Variants in ZBP1 observed in about 807,000 individuals in gnomAD.
ZBP1 encodes the protein Z-DNA-binding protein 1.
ZBP1 carries 42 observed loss-of-function variants against 41.1 expected under a neutral mutation model. That is an observed-to-expected ratio of 1.02 (90% CI 0.80 to 1.32). The LOEUF is 1.32. Ranked by LOEUF, ZBP1 falls within the 40% of genes most tolerant of loss-of-function variation. The pLI, the probability that ZBP1 is intolerant of heterozygous loss-of-function variation, is 0.00. For missense variants in ZBP1, 562 were observed against 549.7 expected, an observed-to-expected ratio of 1.02 and a Z score of -0.22; for synonymous variants, 214 against 205.2, an observed-to-expected ratio of 1.04 and a Z score of -0.37.
At position 57,604,651 on chromosome 20, in the gene ZBP1, C is replaced by T; in HGVS notation, c.1212G>A (p.Arg404=). The T allele has an allele frequency of 6.2e-7, 1 of 1,614,172 alleles. No individual in the cohort carries two copies. The highest frequency in any genetic ancestry group is 8.5e-7 in the Non-Finnish European group (1 of 1,180,040). The change falls in exon 8 of 8, where the codon AGG becomes AGA. Residue 404 remains arginine (R), a synonymous_variant. Coordinates refer to ENST00000371173, the MANE Select transcript of ZBP1 (RefSeq NM_030776.3). The part of the protein sequence containing the change: ...PKLETMTLGN[R]SHKAAEGSHY... ...GGCTGCCTTCTGCAGCTTTGTGACT[C>T]CTGTTTCCAAGAGTCATAGTTTCCA...
rs563015117 is a variant in ZBP1 at position 57,613,138 on chromosome 20, C to A, written c.670+25G>T. Reference sequence around the variant, plus strand: ...CGGTGGCTCCCCACCGAGGTCCCCTCCCTGGGCTCTCTTGGGTGACTTACC... The same window carrying A: ...CGGTGGCTCCCCACCGAGGTCCCCTACCTGGGCTCTCTTGGGTGACTTACC... On this transcript the variant is annotated intron_variant, in intron 5 of 7. Coordinates refer to ENST00000371173, the MANE Select transcript of ZBP1 (RefSeq NM_030776.3). This position sits in a 1 kb window ranked among gnomAD's most constrained non-coding sequence, Gnocchi z 4.5. The A allele has an allele frequency of 2.5e-6, 4 of 1,614,084 alleles. No individual in the cohort carries two copies. In the African/African-American group the frequency reaches 5.3e-5, roughly 22 times the overall value.
At chr20:57,612,206 G>A (rs959335997) in intron 5 of ZBP1, among the ~76,000 whole-genome samples, 7 of 152,096 alleles carry the variant, frequency 4.6e-5, no homozygotes, top group Admixed American at 3.9e-4. Flanking sequence ...AGTCACTCCC[G>A]AGCCTTCTGA....
intron 7 of ZBP1, among the ~76,000 whole-genome samples, chr20:57,607,894 A>G (rs546316319): frequency 1.3e-5 from 2 of 152,352 alleles, no homozygotes; most frequent in South Asian, 4.1e-4. Context: ...AGACTAGAGC[A>G]TCGTGTGAAT....
chr20:57,616,188 C>T, intron 2 of ZBP1, 56 bp downstream of exon 2: 4 of 1,527,258 alleles, frequency 2.6e-6, no homozygotes, highest in South Asian at 2.3e-5. Flanking sequence ...CTGTGCTTGT[C>T]CATTGCCAGG....
At position 57,604,600 on chromosome 20, in the gene ZBP1, C is replaced by T; in HGVS notation, c.1263G>A (p.Glu421=). ...AAATCCCACCTCCCCACCAGCTCCC[C>T]TCGTGTGAGGCTTCATCCACATAGT... ...GSHYVDEASH[E]GSWWGGGI is the part of the protein sequence containing the mutation. The change falls in exon 8 of 8, where the codon GAG becomes GAA. Residue 421 remains glutamate, a synonymous_variant. Transcript: ENST00000371173. The T allele has an allele frequency of 6.2e-7, 1 of 1,614,090 alleles. No homozygotes were observed. Among genetic ancestry groups the T allele is most frequent in the Non-Finnish European group, 8.5e-7 (1 of 1,179,964 alleles).
chr20:57,604,475 G>A lies in ZBP1; in HGVS notation c.*98C>T. On this transcript the variant is annotated 3_prime_UTR_variant, in exon 8 of 8. Transcript: ENST00000371173. Reference sequence around the variant, plus strand: ...GCAGGTTATGTCTGGAAGCAAGCAGGTCAAACAAGACGCTAAGGAATGCAG... The same window carrying A: ...GCAGGTTATGTCTGGAAGCAAGCAGATCAAACAAGACGCTAAGGAATGCAG... 1 of 1,468,424 alleles carries A rather than the reference G, an allele frequency of 6.8e-7. No individual in the cohort carries two copies. The highest frequency in any genetic ancestry group is 9.5e-7 in the Non-Finnish European group (1 of 1,051,496). 91.0% of individuals were successfully genotyped at this position (1,468,424 alleles called of 1,614,324 possible).
At chr20:57,616,588 G>A (rs1417754239) in intron 1 of ZBP1, 120 bp from the exon 2 acceptor site, 2 of 1,023,936 alleles carry the variant, frequency 2.0e-6, no homozygotes, top group South Asian at 1.5e-5. Context: ...CCAGGGCAGA[G>A]GAAAGGGCAA....
At chr20:57,615,212 G>T (rs776939454) in intron 3 of ZBP1, 152 bp from the exon 4 acceptor site, 13 of 864,366 alleles carry the variant, frequency 1.5e-5, no homozygotes, top group Non-Finnish European at 2.4e-5. Flanking sequence ...TCATCATGAC[G>T]CACCGCAGAG....
At position 57,613,552 on chromosome 20, in the gene ZBP1, C is replaced by G. The variant is rs551372517; in HGVS notation, c.503-222G>C. Among the ~76,000 whole-genome samples the G allele has an allele frequency of 7.2e-5, 11 of 152,308 alleles. No homozygotes were observed. The highest frequency in any genetic ancestry group is 7.2e-4 in the Admixed American group (11 of 15,304). ...AAATAGCCACTGTGAGTCACCCTAC[C>G]TGTGTCTTTTGCTGCCTCCATGGCT... On this transcript the variant is annotated intron_variant, in intron 4 of 7. Coordinates refer to ENST00000371173, the MANE Select transcript of ZBP1 (RefSeq NM_030776.3). The surrounding 1 kb of genome is among the most constrained non-coding windows in gnomAD (Gnocchi z 4.5).
At position 57,610,312 on chromosome 20, in the gene ZBP1, T is replaced by C. The variant is rs1205490984; in HGVS notation, c.930A>G (p.Pro310=). 18 of 1,614,058 alleles carry C rather than the reference T, an allele frequency of 1.1e-5. No homozygotes were observed. The highest frequency in any genetic ancestry group is 1.4e-5 in the Non-Finnish European group (16 of 1,180,022). ...EASFEARIPS[P]GTHPEGEAAQ... Reference sequence around the variant, plus strand: ...CGGCTTCCCCCTCAGGGTGAGTTCCTGGACTGGGAATTCTTGCTTCAAACG... The same window carrying C: ...CGGCTTCCCCCTCAGGGTGAGTTCCCGGACTGGGAATTCTTGCTTCAAACG... The change falls in exon 7 of 8, where the codon CCA becomes CCG. Residue 310 remains proline, a synonymous_variant. Transcript: ENST00000371173. The surrounding 1 kb of genome is among the most constrained non-coding windows in gnomAD (Gnocchi z 5.5).
At chr20:57,618,655 C>T (rs924111628) in intron 1 of ZBP1, among the ~76,000 whole-genome samples, 1 of 149,676 alleles carries the variant, frequency 6.7e-6, no homozygotes, top group African/African-American at 2.5e-5. Context: ...GATCTCGGCT[C>T]ACTGCAACCT....
chr20:57,616,615 C>T, intron 1 of ZBP1, 147 bp from the exon 2 acceptor site: 1 of 732,934 alleles, frequency 1.4e-6, no homozygotes, highest in Non-Finnish European at 2.2e-6. Flanking sequence ...CAGCAGATGC[C>T]CCCTAAGAGC....
rs1444058609 is a variant in ZBP1, at chr20:57,611,809, C to T, written c.792G>A (p.Val264=). The change falls in exon 6 of 8, where the codon GTG becomes GTA. Residue 264 remains valine (V), a synonymous_variant. Coordinates refer to ENST00000371173, the MANE Select transcript of ZBP1 (RefSeq NM_030776.3). ...IHMEQSILRR[V]QLGHSNEMRL... ...TCATCTCATTGCTGTGTCCCAGCTG[C>T]ACCCGTCTCAGTATGGACTGCTCCA... The T allele has an allele frequency of 2.5e-6, 4 of 1,611,876 alleles. No individual in the cohort carries two copies. The highest frequency in any genetic ancestry group is 1.6e-4 in the Middle Eastern group (1 of 6,078).
At chr20:57,608,936 A>G (rs1167553852) in intron 7 of ZBP1, among the ~76,000 whole-genome samples, 1 of 152,242 alleles carries the variant, frequency 6.6e-6, no homozygotes, top group Non-Finnish European at 1.5e-5. Flanking sequence ...CTTATTCCAG[A>G]TCCCAAAAGG....
At chr20:57,615,311 C>A in intron 3 of ZBP1, 1 of 699,578 alleles carries the variant, frequency 1.4e-6, no homozygotes. Context: ...TATTGTCTGA[C>A]TGGAGAAATC....
rs888149391 is a variant in ZBP1, at chr20:57,616,298, C to T, written c.205G>A (p.Gly69Ser). Reference sequence around the variant, plus strand: ...CCCTCGCCTTCAGGATCAGTCCCGCCCAAGCACCAGGTGGCAGGGGATGTG... The same window carrying T: ...CCCTCGCCTTCAGGATCAGTCCCGCTCAAGCACCAGGTGGCAGGGGATGTG... ...SLTSPATWCLGGTDPEGEGPA... is the reference protein window; with the variant it reads ...SLTSPATWCLSGTDPEGEGPA... Residue 69 changes from glycine (G) to serine (S), a missense_variant, in exon 2 of 8, where the codon GGC (glycine) becomes AGC (serine). By Grantham distance (56) the Gly-to-Ser change is moderately conservative. Coordinates refer to ENST00000371173, the MANE Select transcript of ZBP1 (RefSeq NM_030776.3). 5 of 1,614,032 alleles carry T rather than the reference C, an allele frequency of 3.1e-6. No individual in the cohort carries two copies. In the Admixed American group the frequency reaches 5.0e-5, roughly 16 times the overall value.
chr20:57,608,833 T>G (rs6070178), intron 7 of ZBP1, among the ~76,000 whole-genome samples: 3 of 152,038 alleles, frequency 2.0e-5, no homozygotes, highest in Admixed American at 2.0e-4. Context: ...ATGCATCCCC[T>G]GGGCCTTCAG....
At chr20:57,607,375 T>C (rs2070523931) in intron 7 of ZBP1, 2 of 1,225,020 alleles carry the variant, frequency 1.6e-6, no homozygotes, top group Non-Finnish European at 2.1e-6. Flanking sequence ...ATTGCTGCAA[T>C]CTCATGAGAA....
chr20:57,604,879 T>C (rs1600721283), intron 7 of ZBP1, 110 bp from the exon 8 acceptor site: 2 of 1,059,300 alleles, frequency 1.9e-6, no homozygotes, highest in East Asian at 4.8e-5. Flanking sequence ...TTGTTGTTAC[T>C]GTCTTTAGAT....
Sources: allele counts gnomAD v4.1 joint callset (sites outside exome capture counted in the v4.1 genomes callset), GRCh38; gene constraint gnomAD v4.1.1; non-coding constraint Gnocchi (gnomAD v3.1); transcripts MANE v1.5; gene names NCBI Gene and HGNC (gene_info 2026-07-23, HGNC 2026-07-21).